LRMDA: variants seen among roughly 807,000 people sequenced by gnomAD.
LRMDA encodes leucine-rich melanocyte differentiation-associated protein.
LRMDA carries 18 observed loss-of-function variants against 29.8 expected under a neutral mutation model. That is an observed-to-expected ratio of 0.60 (90% confidence interval 0.42 to 0.90). The LOEUF is 0.90. LRMDA is among the 40% of genes least tolerant of loss of function. The pLI is 0.00. For missense variants in LRMDA, 273 were observed against 273.9 expected (o/e 1.00, Z 0.02); for synonymous variants, 125 against 109.4 (o/e 1.14, Z -0.89).
At chr10:76,440,802 T>A (rs77194514) in intron 6 of LRMDA, among the ~76,000 whole-genome samples, 2 of 152,126 alleles carry the variant, frequency 1.3e-5, no homozygotes, top group Admixed American at 1.3e-4. Flanking sequence ...ATATCTGTCA[T>A]AGTTAGTATT....
chr10:75,514,202 A>T (rs1845261656), intron 2 of LRMDA, among the ~76,000 whole-genome samples: 1 of 143,380 alleles, frequency 7.0e-6, no homozygotes. Flanking sequence ...CTTGGTTCCC[A>T]AGAGAAGATT....
intron 2 of LRMDA, among the ~76,000 whole-genome samples, chr10:75,912,146 C>T (rs1845852482): frequency 6.6e-6 from 1 of 152,178 alleles, no homozygotes; most frequent in Non-Finnish European, 1.5e-5. Context: ...ACTTGCTCAA[C>T]AATACACCAT....
At chr10:75,672,677 C>T (rs148516234) in intron 2 of LRMDA, among the ~76,000 whole-genome samples, 4 of 145,452 alleles carry the variant, frequency 2.8e-5, no homozygotes, top group South Asian at 2.3e-4. Context: ...CTCCCTGGTT[C>T]GAGCGATTTT....
At chr10:75,839,771 C>T (rs1205523983) in intron 2 of LRMDA, among the ~76,000 whole-genome samples, 2 of 142,494 alleles carry the variant, frequency 1.4e-5, no homozygotes, top group South Asian at 2.2e-4. Context: ...TGCAGTGGCA[C>T]GATCTGGGCT....
chr10:75,809,792 G>A (rs1175644719), intron 2 of LRMDA, among the ~76,000 whole-genome samples: 1 of 152,240 alleles, frequency 6.6e-6, no homozygotes, highest in Admixed American at 6.5e-5. Context: ...GGCTTGCAAA[G>A]GGGCATGTGA....
At chr10:75,961,575 G>A (rs1328455732) in intron 2 of LRMDA, among the ~76,000 whole-genome samples, 1 of 152,138 alleles carries the variant, frequency 6.6e-6, no homozygotes, top group Non-Finnish European at 1.5e-5. Context: ...CTGAAGCATC[G>A]ACTTTGAAAG....
At chr10:76,271,205 C>A (rs941549651) in intron 5 of LRMDA, among the ~76,000 whole-genome samples, 1 of 152,116 alleles carries the variant, frequency 6.6e-6, no homozygotes, top group Non-Finnish European at 1.5e-5. Context: ...CTCAGGAGTT[C>A]GAGGCCAGCC....
chr10:76,454,001 A>G (rs1842432191), intron 6 of LRMDA, among the ~76,000 whole-genome samples: 1 of 152,224 alleles, frequency 6.6e-6, no homozygotes, highest in South Asian at 2.1e-4. Context: ...AAAGTCACAT[A>G]GGCAATTAGT....
At chr10:75,643,363 C>T (rs567648412) in intron 2 of LRMDA, among the ~76,000 whole-genome samples, 11 of 152,250 alleles carry the variant, frequency 7.2e-5, no homozygotes, top group Non-Finnish European at 1.0e-4. Context: ...TGTAAAGTTG[C>T]GATACTCCCT....
chr10:76,406,130 G>A (rs1380408967), intron 6 of LRMDA, among the ~76,000 whole-genome samples: 1 of 152,162 alleles, frequency 6.6e-6, no homozygotes, highest in African/African-American at 2.4e-5. Context: ...TAAAACCAGG[G>A]GAAGTGCTGA....
intron 5 of LRMDA, among the ~76,000 whole-genome samples, chr10:76,156,114 T>C (rs1291929039): frequency 6.6e-6 from 1 of 152,148 alleles, no homozygotes; most frequent in African/African-American, 2.4e-5. Context: ...ATGTATGCAA[T>C]GTAAATGGCT....
At chr10:75,935,416 T>C (rs1347415534) in intron 2 of LRMDA, among the ~76,000 whole-genome samples, 2 of 151,978 alleles carry the variant, frequency 1.3e-5, no homozygotes, top group African/African-American at 2.4e-5. Context: ...TTTTAATGGA[T>C]GGAAAGGGAG....
At chr10:76,265,800 A>G (rs1290802366) in intron 5 of LRMDA, among the ~76,000 whole-genome samples, 1 of 152,228 alleles carries the variant, frequency 6.6e-6, no homozygotes, top group Non-Finnish European at 1.5e-5. Context: ...CATGTCTAAG[A>G]AACTAATTTA....
intron 2 of LRMDA, among the ~76,000 whole-genome samples, chr10:75,856,466 T>A (rs996330853): frequency 6.6e-6 from 1 of 152,120 alleles, no homozygotes; most frequent in South Asian, 2.1e-4. Flanking sequence ...CAGCAGCACA[T>A]CAAAAAGTTT....
intron 2 of LRMDA, among the ~76,000 whole-genome samples, chr10:75,480,336 C>T (rs1018424904): frequency 2.1e-4 from 29 of 137,616 alleles, no homozygotes; most frequent in African/African-American, 7.9e-4. Context: ...AAGAGTGTTT[C>T]AGGCAGAGGG....
chr10:76,274,321 C>T (rs867857277), intron 5 of LRMDA, among the ~76,000 whole-genome samples: 4 of 152,134 alleles, frequency 2.6e-5, no homozygotes, highest in African/African-American at 9.7e-5. Context: ...GGTGTTTTTA[C>T]CATCAAATTA....
chr10:76,409,330 G>A (rs1444178843), intron 6 of LRMDA, among the ~76,000 whole-genome samples: 1 of 152,146 alleles, frequency 6.6e-6, no homozygotes, highest in Non-Finnish European at 1.5e-5. Context: ...CTAAGCTTGT[G>A]GGAGTTATTT....
At chr10:75,985,388 A>G (rs1847246137) in intron 2 of LRMDA, among the ~76,000 whole-genome samples, 1 of 152,204 alleles carries the variant, frequency 6.6e-6, no homozygotes, top group African/African-American at 2.4e-5. Flanking sequence ...AGGCCTGACT[A>G]GAGCCACAGG....
intron 6 of LRMDA, among the ~76,000 whole-genome samples, chr10:76,533,700 A>G (rs17467566): frequency 0.4 from 61,261 of 152,036 alleles, 13,263 homozygotes; most frequent in African/African-American, 0.51. Context: ...ATGGTTCTGC[A>G]GCATTGCCAG....
Sources: gnomAD v4.1 joint callset for allele counts (sites outside exome capture counted in the v4.1 genomes callset) on GRCh38, gnomAD v4.1.1 for gene constraint, MANE v1.5 for transcripts, NCBI Gene and HGNC (gene_info 2026-07-23, HGNC 2026-07-21) for gene names.